The following RBM48 variants were observed in gnomAD, a reference collection of about 807,000 sequenced individuals.
The protein encoded by RBM48 is RNA-binding protein 48.
In RBM48, 32 loss-of-function variants were observed where a neutral mutation model predicts 34.8. The ratio of observed to expected loss-of-function variants is 0.92; its 90% CI spans 0.69 to 1.23. The LOEUF (loss-of-function observed/expected upper bound fraction) is 1.23, where lower values mean the gene tolerates loss of function less well. RBM48 is among the 50% of genes most tolerant of loss of function. RBM48 has a pLI of 0.00. For synonymous variants in RBM48, 151 were observed against 156.2 expected, an observed-to-expected ratio of 0.97 and a Z score of 0.25; for missense variants, 441 against 447.2, an observed-to-expected ratio of 0.99 and a Z score of 0.12.
Position 92,534,787 on chromosome 7 carries a change from A to AC in RBM48, c.834_835insC (p.Thr279HisfsTer13), listed in dbSNP as rs1273224310. The AC allele has an allele frequency of 6.2e-7, 1 of 1,614,082 alleles. No homozygotes were observed. Among genetic ancestry groups the AC allele is most frequent in the Non-Finnish European group, 8.5e-7 (1 of 1,180,024 alleles). ...CAGTTGACAGATTTATGCCTAGGAC[A>AC]ACACAACTGCAGGAGCGCAAAAGAA... On this transcript the variant is annotated frameshift_variant, in exon 4 of 5. Coordinates refer to ENST00000265732, the MANE Select transcript of RBM48 (RefSeq NM_032120.4). LOFTEE classifies it high-confidence loss of function.
At position 92,538,646 on chromosome 7, in the gene RBM48, T is replaced by C. The variant is rs1793784163; in HGVS notation, c.*1709T>C. On this transcript the variant is annotated 3_prime_UTR_variant, in exon 5 of 5. Transcript: ENST00000265732. ...AAGCATAGAATTGGAAGGAGCAAAT[T>C]GCTGTCTGGTTCAGGCTTCTCAGAC... 6.6e-6 allele frequency among the ~76,000 whole-genome samples: 1 copy of C among 152,170 alleles called. No homozygotes were observed. The highest frequency in any genetic ancestry group is 1.5e-5 in the Non-Finnish European group (1 of 68,036).
chr7:92,529,190 A>C, intron 1 of RBM48: 1 of 578,020 alleles, frequency 1.7e-6, no homozygotes, highest in Non-Finnish European at 3.1e-6. Flanking sequence ...ACAGGTAAGC[A>C]CTCAGTGAAT....
In RBM48 at chr7:92,529,605, T is replaced by C; in HGVS notation, c.241T>C (p.Tyr81His). ...AIEQYNALDE[Y>H]PAEDFTEVYL... ...TGAACAGTACAATGCTCTAGATGAA[T>C]ACCCAGCAGAAGACTTTACTGAAGT... Residue 81 changes from tyrosine to histidine, a missense_variant, in exon 2 of 5, where the codon TAC (tyrosine) becomes CAC (histidine). By Grantham distance (83) the Tyr-to-His change is moderately conservative. Transcript: ENST00000265732. The C allele has an allele frequency of 6.2e-7, 1 of 1,610,858 alleles. No individual in the cohort carries two copies. Among genetic ancestry groups the C allele is most frequent in the Non-Finnish European group, 8.5e-7 (1 of 1,177,680 alleles).
chr7:92,537,093 T>G lies in RBM48; in HGVS notation c.*156T>G. 1 of 577,448 alleles carries G rather than the reference T, an allele frequency of 1.7e-6. No homozygotes were observed. Among genetic ancestry groups the G allele is most frequent in the Non-Finnish European group, 2.9e-6 (1 of 341,438 alleles). The allele number at this position is 577,448 out of a possible 1,614,324, so 35.8% of individuals were successfully genotyped here. A position where few individuals can be genotyped will look rare whatever the true frequency, so the allele number is the denominator to read the frequency against. ...CCATTTGTCTAAAGTCATTTCTTTG[T>G]TTTTTGGGAGATGGAGTCTTGCTCT... On this transcript the variant is annotated 3_prime_UTR_variant, in exon 5 of 5. Coordinates refer to ENST00000265732, the MANE Select transcript of RBM48 (RefSeq NM_032120.4).
intron 2 of RBM48, among the ~76,000 whole-genome samples, chr7:92,531,979 T>A (rs1793586417): frequency 6.6e-6 from 1 of 152,232 alleles, no homozygotes; most frequent in Non-Finnish European, 1.5e-5. Context: ...TCCTCAGTTA[T>A]TGAATGTTTT....
At chr7:92,535,466 ACTT>A (rs1328416845) in intron 4 of RBM48, 2 of 995,368 alleles carry the variant, frequency 2.0e-6, no homozygotes, top group African/African-American at 1.7e-5. Flanking sequence ...TCAAATGTAG[ACTT>A]CTTAAATGAT....
At chr7:92,532,798 A>T (rs1793608991) in intron 3 of RBM48, among the ~76,000 whole-genome samples, 1 of 152,234 alleles carries the variant, frequency 6.6e-6, no homozygotes, top group Non-Finnish European at 1.5e-5. Flanking sequence ...GACGTTAACT[A>T]AATGGGAGAG....
intron 3 of RBM48, among the ~76,000 whole-genome samples, chr7:92,533,322 A>G (rs551643354): frequency 6.6e-6 from 1 of 152,340 alleles, no homozygotes; most frequent in East Asian, 1.9e-4. Context: ...ATGTGGAGAA[A>G]GACCTTTGAC....
Position 92,534,927 on chromosome 7 carries a change from C to A in RBM48, c.974C>A (p.Ser325Ter). Residue 325 changes from serine to a stop codon, truncating the protein, a stop_gained, in exon 4 of 5, where the codon TCA becomes TAA. Coordinates refer to ENST00000265732, the MANE Select transcript of RBM48 (RefSeq NM_032120.4). LOFTEE classifies it high-confidence loss of function. The part of the protein sequence containing the change: ...DISKVDMHDD[S>*]LNTTANLIRH... ...TCTAAAGTGGATATGCACGATGACTCATTGAATACAACGGCGAATTTAATT... is the reference window on the plus strand; with the variant it reads ...TCTAAAGTGGATATGCACGATGACTAATTGAATACAACGGCGAATTTAATT... The A allele has an allele frequency of 3.1e-6, 5 of 1,614,150 alleles. No homozygotes were observed. The highest frequency in any genetic ancestry group is 4.2e-6 in the Non-Finnish European group (5 of 1,180,002).
chr7:92,535,184 T>C, intron 4 of RBM48: 1 of 1,419,616 alleles, frequency 7.0e-7, no homozygotes, highest in Non-Finnish European at 9.2e-7. Context: ...ACAGACATTT[T>C]ATATCACTGT....
rs1269383726 is a variant in RBM48 at position 92,539,861 on chromosome 7, C to CT, written c.*2925dup. On this transcript the variant is annotated 3_prime_UTR_variant, in exon 5 of 5. Transcript: ENST00000265732. Reference sequence around the variant, plus strand: ...AAAACCTTCATAAGCACAAAGTACTCTATGTCTCCAAAATTTTAAAAACAT... The same window carrying CT: ...AAAACCTTCATAAGCACAAAGTACTCTTATGTCTCCAAAATTTTAAAAACAT... Among the ~76,000 whole-genome samples the CT allele has an allele frequency of 6.6e-6, 1 of 152,312 alleles. No homozygotes were observed. The highest frequency in any genetic ancestry group is 2.4e-5 in the African/African-American group (1 of 41,578).
chr7:92,533,978 A>C (rs896050401), intron 3 of RBM48, among the ~76,000 whole-genome samples: 118 of 152,100 alleles, frequency 7.8e-4, no homozygotes, highest in Non-Finnish European at 1.2e-3. Flanking sequence ...AAAAAAAAAA[A>C]AAAAAAAAAA....
intron 1 of RBM48, 162 bp from the exon 2 acceptor site, chr7:92,529,314 C>A (rs753640912): frequency 8.5e-6 from 5 of 589,102 alleles, no homozygotes; most frequent in Non-Finnish European, 1.5e-5. Flanking sequence ...GACTGTTATT[C>A]TTTATGCAGA....
In RBM48 at chr7:92,537,275, G is replaced by A. The variant is rs1283846873; in HGVS notation, c.*338G>A. 4 of 166,250 alleles carry A rather than the reference G, an allele frequency of 2.4e-5. No individual in the cohort carries two copies. The East Asian group carries it at 7.2e-4, about 30-fold the overall frequency. The allele number at this position is 166,250 out of a possible 1,614,324, so 10.3% of individuals were successfully genotyped here. A position where few individuals can be genotyped will look rare whatever the true frequency, so the allele number is the denominator to read the frequency against. ...GTTTTGTGTTTTTTTTAGTAGAGAT[G>A]GGTTTTCACCATATTGGTCAGGCTG... On this transcript the variant is annotated 3_prime_UTR_variant, in exon 5 of 5. Coordinates refer to ENST00000265732, the MANE Select transcript of RBM48 (RefSeq NM_032120.4).
At chr7:92,534,136 T>G in intron 3 of RBM48, 1 of 424,670 alleles carries the variant, frequency 2.4e-6, no homozygotes, top group Non-Finnish European at 4.2e-6. Flanking sequence ...ATTGAACAGA[T>G]AAATAAAAAA....
At chr7:92,529,001 A>T (rs1793458473) in intron 1 of RBM48, 77 bp downstream of exon 1, 1 of 1,068,450 alleles carries the variant, frequency 9.4e-7, no homozygotes, top group Middle Eastern at 2.0e-4. Context: ...AGCCTACGGA[A>T]ATAAAGGCAC....
chr7:92,534,806 A>T lies in RBM48; in HGVS notation c.853A>T (p.Lys285Ter). Residue 285 changes from lysine to a stop codon, truncating the protein, a stop_gained, in exon 4 of 5, where the codon AAA (lysine) becomes TAA (stop). Coordinates refer to ENST00000265732, the MANE Select transcript of RBM48 (RefSeq NM_032120.4). LOFTEE classifies it high-confidence loss of function. ...MPRTTQLQER[K>*]RRREDDRKLG... ...TAGGACAACACAACTGCAGGAGCGCAAAAGAAGAAGAGAAGATGATCGTAA... is the reference window on the plus strand; with the variant it reads ...TAGGACAACACAACTGCAGGAGCGCTAAAGAAGAAGAGAAGATGATCGTAA... 6.2e-7 allele frequency: 1 copy of T among 1,614,210 alleles called. No individual in the cohort carries two copies. Among genetic ancestry groups the T allele is most frequent in the African/African-American group, 1.3e-5 (1 of 75,070 alleles).
intron 2 of RBM48, among the ~76,000 whole-genome samples, chr7:92,531,382 C>T (rs1445758433): frequency 6.6e-6 from 1 of 152,190 alleles, no homozygotes; most frequent in African/African-American, 2.4e-5. Flanking sequence ...TCCAAAAAGG[C>T]TGAAGTATGC....
chr7:92,535,106 G>C, intron 4 of RBM48, 136 bp downstream of exon 4: 1 of 1,466,214 alleles, frequency 6.8e-7, no homozygotes, highest in South Asian at 1.4e-5. Context: ...ACAGTTCTCT[G>C]TTGAAATAAC....
Sources: gnomAD v4.1 joint callset for allele counts (sites outside exome capture counted in the v4.1 genomes callset) on GRCh38, gnomAD v4.1.1 for gene constraint, MANE v1.5 for transcripts, NCBI Gene and HGNC (gene_info 2026-07-23, HGNC 2026-07-21) for gene names.